The following UBXN6 variants were observed in gnomAD, a reference collection of about 807,000 sequenced individuals.
UBXN6 encodes UBX domain protein 6.
In UBXN6, 44 loss-of-function variants were observed where a neutral mutation model predicts 51.4. That is an observed-to-expected ratio of 0.86 (90% CI 0.67 to 1.10). The LOEUF (loss-of-function observed/expected upper bound fraction) is 1.10. UBXN6 is among the 50% of genes least tolerant of loss of function. The pLI, the probability that UBXN6 is intolerant of heterozygous loss-of-function variation, is 0.00. For synonymous variants in UBXN6, 316 were observed against 263.2 expected (o/e 1.20, Z -1.94); for missense variants, 672 against 596.1 (o/e 1.13, Z -1.32).
chr19:4,454,080 T>C lies in UBXN6; in HGVS notation c.97A>G (p.Lys33Glu). The C allele has an allele frequency of 1.3e-6, 2 of 1,561,082 alleles. No homozygotes were observed. Among genetic ancestry groups the C allele is most frequent in the Non-Finnish European group, 1.7e-6 (2 of 1,158,014 alleles). ...GGGGCTGGCTGGTTGGGCTTCTCTT[T>C]GTGGGCCTTTTCCCTGGGAACAGAC... ...LKESVGEKAH[K>E]EKPNQPAPRP... Residue 33 changes from lysine (K) to glutamate (E), a missense_variant, in exon 2 of 11, where the codon AAA (lysine) becomes GAA (glutamate). By Grantham distance (56) the Lys-to-Glu change is moderately conservative. Transcript: ENST00000301281.
At chr19:4,455,856 A>G (rs2145190621) in intron 1 of UBXN6, among the ~76,000 whole-genome samples, 1 of 152,080 alleles carries the variant, frequency 6.6e-6, no homozygotes, top group South Asian at 2.1e-4. Flanking sequence ...GGCCTTCCCA[A>G]ACCACCTGAC....
intron 3 of UBXN6, 50 bp downstream of exon 3, chr19:4,453,408 G>A (rs1243621992): frequency 6.3e-7 from 1 of 1,586,794 alleles, no homozygotes; most frequent in Non-Finnish European, 8.6e-7. Context: ...ACACAGTCAA[G>A]CTGTCCCCAC....
At chr19:4,450,956 T>G (rs1974643578) in intron 4 of UBXN6, 1 of 152,094 alleles carries the variant, frequency 6.6e-6, no homozygotes, top group African/African-American at 2.4e-5. Context: ...GTTTGGTGAT[T>G]TACAGTATGG....
chr19:4,455,742 G>A (rs1039771032), intron 1 of UBXN6, among the ~76,000 whole-genome samples: 1 of 152,052 alleles, frequency 6.6e-6, no homozygotes, highest in Admixed American at 6.6e-5. Context: ...ATGTTCTCCG[G>A]GGGAGTGGGA....
rs1974477515 is a variant in UBXN6 at position 4,445,150 on chromosome 19, C to A, written c.*348G>T. ...GGTGCAGCCACTGCCACCCACGGCA[C>A]ACGGGAACAGGACCCATGCTGCAGG... On this transcript the variant is annotated 3_prime_UTR_variant, in exon 11 of 11. Coordinates refer to ENST00000301281, the MANE Select transcript of UBXN6 (RefSeq NM_025241.3). 3.7e-6 allele frequency: 1 copy of A among 273,654 alleles called. No individual in the cohort carries two copies. Among genetic ancestry groups the A allele is most frequent in the African/African-American group, 2.2e-5 (1 of 44,792 alleles). The allele number at this position is 273,654 out of a possible 1,614,324, so 17.0% of individuals were successfully genotyped here. A position where few individuals can be genotyped will look rare whatever the true frequency, so the allele number is the denominator to read the frequency against.
intron 8 of UBXN6, 21 bp downstream of exon 8, chr19:4,446,479 C>T (rs1383637028): frequency 6.3e-7 from 1 of 1,597,862 alleles, no homozygotes; most frequent in African/African-American, 1.3e-5. Context: ...CCCCACTCTG[C>T]TCCGCGGACG....
intron 4 of UBXN6, among the ~76,000 whole-genome samples, chr19:4,451,499 C>A (rs1424381730): frequency 6.6e-6 from 1 of 152,092 alleles, no homozygotes; most frequent in African/African-American, 2.4e-5. Context: ...ACTGCAGGTG[C>A]ACGCCACCAT....
intron 1 of UBXN6, chr19:4,455,141 C>T (rs1974722530): frequency 5.4e-6 from 5 of 926,846 alleles, no homozygotes; most frequent in Non-Finnish European, 6.4e-6. Context: ...AGAGAAGCCT[C>T]GCAGAGAAGC....
At chr19:4,452,247 C>T in intron 4 of UBXN6, 117 bp downstream of exon 4, 2 of 1,454,276 alleles carry the variant, frequency 1.4e-6, no homozygotes, top group Non-Finnish European at 9.2e-7. Flanking sequence ...GGCTTCACTA[C>T]TAGCAGTGGC....
At chr19:4,446,785 C>T in intron 7 of UBXN6, 51 bp downstream of exon 7, 1 of 1,613,456 alleles carries the variant, frequency 6.2e-7, no homozygotes, top group Non-Finnish European at 8.5e-7. Context: ...GCCCTCCTGC[C>T]CCGAGGCCCC....
chr19:4,447,466 G>T, intron 6 of UBXN6, 84 bp downstream of exon 6: 1 of 1,470,774 alleles, frequency 6.8e-7, no homozygotes, highest in Non-Finnish European at 9.5e-7. Context: ...GGAGCCCACC[G>T]CCTGGTGTGG....
In UBXN6 at chr19:4,446,538, G is replaced by C; in HGVS notation, c.882C>G (p.Asn294Lys). The change falls in exon 8 of 11, where the codon AAC (asparagine) becomes AAG (lysine). Residue 294 changes from asparagine (N) to lysine (K), a missense_variant. Physicochemically the swap from Asn to Lys is moderately conservative, Grantham distance 94. Transcript: ENST00000301281. ...CCCGCTTGATCTCCTCTGCTGTGAG[G>C]TTGAAGAAGTCCCCAGGCAGTTCGA... Reference protein sequence around the residue: ...SQFELPGDFFNLTAEEIKREQ... With the variant: ...SQFELPGDFFKLTAEEIKREQ... 3 of 1,612,062 alleles carry C rather than the reference G, an allele frequency of 1.9e-6. No individual in the cohort carries two copies. The highest frequency in any genetic ancestry group is 2.5e-6 in the Non-Finnish European group (3 of 1,179,876).
In UBXN6 at chr19:4,446,343, GC is replaced by G; in HGVS notation, c.990del (p.Leu331CysfsTer65). 6.4e-7 allele frequency: 1 copy of G among 1,569,832 alleles called. No individual in the cohort carries two copies. The highest frequency in any genetic ancestry group is 1.1e-5 in the South Asian group (1 of 87,298). On this transcript the variant is annotated frameshift_variant, in exon 9 of 11. Coordinates refer to ENST00000301281, the MANE Select transcript of UBXN6 (RefSeq NM_025241.3). LOFTEE classifies it high-confidence loss of function. ...KAMREKEEQR[G>X]LRKYNYTLLR... ...AGCAGCGTGTAGTTGTACTTGCGCAGCCCCCGCTGCTCCTCCTTCTCCCGCA... is the reference window on the plus strand; with the variant it reads ...AGCAGCGTGTAGTTGTACTTGCGCAGCCCCGCTGCTCCTCCTTCTCCCGCA...
chr19:4,448,663 G>A, intron 4 of UBXN6: 1 of 542,140 alleles, frequency 1.8e-6, no homozygotes, highest in Non-Finnish European at 3.3e-6. Flanking sequence ...CTCAAGGCTA[G>A]ATCCATGGGA....
chr19:4,456,582 C>T (rs1350357217), intron 1 of UBXN6, among the ~76,000 whole-genome samples: 1 of 152,094 alleles, frequency 6.6e-6, no homozygotes, highest in Admixed American at 6.6e-5. Context: ...TTTCTCAACC[C>T]AACAGCCCTC....
intron 5 of UBXN6, 40 bp downstream of exon 5, chr19:4,448,278 G>A: frequency 6.5e-7 from 1 of 1,540,502 alleles, no homozygotes; most frequent in South Asian, 1.2e-5. Flanking sequence ...GCTGGGATGA[G>A]CTGGAGGGGC....
chr19:4,448,729 C>T (rs949977756), intron 4 of UBXN6: 11 of 377,910 alleles, frequency 2.9e-5, no homozygotes, highest in African/African-American at 6.1e-5. Context: ...CTTTAGAACT[C>T]GACCTCAGTG....
At chr19:4,452,606 C>G (rs1262696361) in intron 3 of UBXN6, 114 bp from the exon 4 acceptor site, 4 of 1,384,940 alleles carry the variant, frequency 2.9e-6, no homozygotes, top group Non-Finnish European at 3.8e-6. Flanking sequence ...AGCCCCCATG[C>G]TGTCCCTTCC....
chr19:4,454,146 G>A, intron 1 of UBXN6, 53 bp from the exon 2 acceptor site: 1 of 1,477,046 alleles, frequency 6.8e-7, no homozygotes, highest in Non-Finnish European at 8.9e-7. Context: ...GGCCGGCAAA[G>A]CTGACGTGCA....
Sources: gnomAD v4.1 joint callset for allele counts (sites outside exome capture counted in the v4.1 genomes callset) on GRCh38, gnomAD v4.1.1 for gene constraint, MANE v1.5 for transcripts, NCBI Gene and HGNC (gene_info 2026-07-23, HGNC 2026-07-21) for gene names.